BMERB1: variants seen among roughly 807,000 people sequenced by gnomAD.
BMERB1 encodes the protein bMERB domain containing 1, also known as bMERB domain-containing protein 1.
In BMERB1, 12 loss-of-function variants were observed where a neutral mutation model predicts 23.6. The ratio of observed to expected loss-of-function variants is 0.51; its 90% CI spans 0.33 to 0.82. The LOEUF (loss-of-function observed/expected upper bound fraction) is 0.82. Ranked by LOEUF, BMERB1 falls within the 40% of genes least tolerant of loss-of-function variation. The pLI is 0.03. For synonymous variants in BMERB1, 122 were observed against 96.6 expected (o/e 1.26, Z -1.54); for missense variants, 247 against 255.4 (o/e 0.97, Z 0.22).
At chr16:15,447,726 G>C (rs937013434) in intron 1 of BMERB1, among the ~76,000 whole-genome samples, 1 of 152,116 alleles carries the variant, frequency 6.6e-6, no homozygotes, top group Non-Finnish European at 1.5e-5. Flanking sequence ...AGGTGACGAT[G>C]AGCGTGGAGA....
intron 2 of BMERB1, among the ~76,000 whole-genome samples, chr16:15,517,455 G>A (rs62039128): frequency 0.068 from 10,376 of 152,088 alleles, 398 homozygotes; most frequent in African/African-American, 0.086. Context: ...AGGCTACAGC[G>A]AGCTGAGATT....
At chr16:15,471,878 C>A (rs977442950) in intron 1 of BMERB1, among the ~76,000 whole-genome samples, 20 of 152,142 alleles carry the variant, frequency 1.3e-4, no homozygotes, top group African/African-American at 4.8e-4. Flanking sequence ...GCACCCAGCC[C>A]TCTTTCTTCA....
At chr16:15,529,810 T>C (rs1296381492) in intron 2 of BMERB1, among the ~76,000 whole-genome samples, 4 of 152,180 alleles carry the variant, frequency 2.6e-5, no homozygotes, top group Admixed American at 6.6e-5. Flanking sequence ...AGTGGGTCCA[T>C]TCATAGGAAG....
chr16:15,459,701 C>T lies in BMERB1; in HGVS notation c.106+24942C>T, dbSNP rs1567454567. ...TTCAGAACCATACCTTGGAACCTCT[C>T]CAGATTCTTTACCTTGTGGCCTCCT... On this transcript the variant is annotated intron_variant, in intron 1 of 5. Coordinates refer to ENST00000300006, the MANE Select transcript of BMERB1 (RefSeq NM_033201.3). 2.0e-5 allele frequency among the ~76,000 whole-genome samples: 3 copies of T among 152,156 alleles called. No individual in the cohort carries two copies. In the South Asian group the frequency reaches 6.2e-4, roughly 32 times the overall value.
chr16:15,506,828 A>G (rs1298776666), intron 1 of BMERB1, among the ~76,000 whole-genome samples: 2 of 152,180 alleles, frequency 1.3e-5, no homozygotes, highest in Non-Finnish European at 2.9e-5. Context: ...TGCAGCACCC[A>G]ATTAAAGCCT....
At chr16:15,573,648 C>T (rs1391050350) in intron 3 of BMERB1, among the ~76,000 whole-genome samples, 1 of 152,170 alleles carries the variant, frequency 6.6e-6, no homozygotes, top group African/African-American at 2.4e-5. Flanking sequence ...GTGGTGTTAT[C>T]TTCAGGAGTA....
intron 1 of BMERB1, among the ~76,000 whole-genome samples, chr16:15,511,317 C>G (rs908575375): frequency 1.3e-5 from 2 of 152,130 alleles, no homozygotes; most frequent in Non-Finnish European, 2.9e-5. Flanking sequence ...CACTGTGTCT[C>G]CCTTTTCACC....
At chr16:15,574,055 A>C (rs2030798494) in intron 3 of BMERB1, among the ~76,000 whole-genome samples, 1 of 149,956 alleles carries the variant, frequency 6.7e-6, no homozygotes, top group East Asian at 2.0e-4. Context: ...GTATAAAGGA[A>C]AGAGGTTTCA....
chr16:15,563,825 T>A (rs1002084447), intron 2 of BMERB1, among the ~76,000 whole-genome samples: 3 of 151,782 alleles, frequency 2.0e-5, no homozygotes, highest in African/African-American at 7.3e-5. Flanking sequence ...CCTCCAACAC[T>A]GGGGATTATG....
intron 1 of BMERB1, among the ~76,000 whole-genome samples, chr16:15,514,379 A>G (rs1186153948): frequency 1.3e-5 from 2 of 152,182 alleles, no homozygotes; most frequent in Middle Eastern, 3.2e-3. Context: ...CTTAGACCAC[A>G]GGGCAAAGTG....
intron 1 of BMERB1, among the ~76,000 whole-genome samples, chr16:15,479,936 A>G (rs769116997): frequency 7.3e-5 from 11 of 150,342 alleles, no homozygotes; most frequent in Non-Finnish European, 1.6e-4. Flanking sequence ...GAGCAACAGA[A>G]TGAGAGCCTG....
intron 3 of BMERB1, among the ~76,000 whole-genome samples, chr16:15,573,238 T>C (rs2030776397): frequency 6.6e-6 from 1 of 152,188 alleles, no homozygotes; most frequent in African/African-American, 2.4e-5. Flanking sequence ...CAATGGCTTA[T>C]AGGTAATGTT....
chr16:15,525,000 A>T (rs1462118689), intron 2 of BMERB1, among the ~76,000 whole-genome samples: 1 of 152,164 alleles, frequency 6.6e-6, no homozygotes, highest in African/African-American at 2.4e-5. Context: ...AATTTTATGC[A>T]TCAACTTGAG....
In BMERB1 at chr16:15,567,965, G is replaced by A. The variant is rs188776204; in HGVS notation, c.231-18G>A. The A allele has an allele frequency of 1.9e-4, 300 of 1,607,572 alleles. No homozygotes were observed. The highest frequency in any genetic ancestry group is 2.4e-4 in the Non-Finnish European group (286 of 1,174,696). On this transcript the variant is annotated intron_variant, in intron 2 of 5. Coordinates refer to ENST00000300006, the MANE Select transcript of BMERB1 (RefSeq NM_033201.3). ...TCTGCTGATGTAACCTGCTGTTGAT[G>A]GTGTCCTGTTTCCCCAGGATGGATG...
intron 3 of BMERB1, among the ~76,000 whole-genome samples, chr16:15,576,185 A>C (rs1324313842): frequency 2.0e-5 from 3 of 151,852 alleles, no homozygotes; most frequent in African/African-American, 7.3e-5. Context: ...CTGGGACTAC[A>C]GGCGCCCGCC....
chr16:15,582,683 A>C (rs865855477), intron 4 of BMERB1, among the ~76,000 whole-genome samples: 1 of 151,966 alleles, frequency 6.6e-6, no homozygotes, highest in African/African-American at 2.4e-5. Context: ...GCACCATTGC[A>C]CTCCAGCCTG....
chr16:15,556,965 A>AT (rs537558307), intron 2 of BMERB1, among the ~76,000 whole-genome samples: 1 of 152,178 alleles, frequency 6.6e-6, no homozygotes, highest in Non-Finnish European at 1.5e-5. Flanking sequence ...AATAAAGACT[A>AT]TTTTTAAAAG....
intron 2 of BMERB1, among the ~76,000 whole-genome samples, chr16:15,523,461 C>T (rs1046061830): frequency 6.6e-6 from 1 of 152,140 alleles, no homozygotes; most frequent in Non-Finnish European, 1.5e-5. Context: ...GGACCACACC[C>T]TCCTCTACCC....
chr16:15,494,309 A>G (rs1423105692), intron 1 of BMERB1, among the ~76,000 whole-genome samples: 1 of 152,190 alleles, frequency 6.6e-6, no homozygotes, highest in East Asian at 1.9e-4. Flanking sequence ...ATTCTCTCAT[A>G]TGGTCCCAAA....
Sources: gnomAD v4.1 joint callset for allele counts (sites outside exome capture counted in the v4.1 genomes callset) on GRCh38, gnomAD v4.1.1 for gene constraint, MANE v1.5 for transcripts, NCBI Gene and HGNC (gene_info 2026-07-23, HGNC 2026-07-21) for gene names.